Variants in CACNA1E observed in about 807,000 individuals in gnomAD.
CACNA1E encodes calcium voltage-gated channel subunit alpha1 E.
Under a neutral mutation model 259.2 loss-of-function variants are expected in CACNA1E, and 40 were observed. The observed-to-expected ratio is 0.15, with a 90% CI of 0.12 to 0.20. The LOEUF is 0.20. Among genes scored for constraint, CACNA1E ranks in the 10% least tolerant of loss-of-function variants. The pLI is 1.00. For synonymous variants in CACNA1E, 1,104 were observed against 1,138.5 expected (o/e 0.97, Z 0.61); for missense variants, 1,874 against 3,040.1 (o/e 0.62, Z 9.02).
At chr1:181,580,548 G>C in intron 5 of CACNA1E, 47 bp from the exon 6 acceptor site, 3 of 1,577,944 alleles carry the variant, frequency 1.9e-6, no homozygotes, top group African/African-American at 1.3e-5. Context: ...TCCAGCTCAT[G>C]CGAAACACCA....
At position 181,776,052 on chromosome 1, in the gene CACNA1E, G is replaced by C. The variant is rs751230518; in HGVS notation, c.5140-49G>C. 1.3e-6 allele frequency: 2 copies of C among 1,566,838 alleles called. No individual in the cohort carries two copies. Among genetic ancestry groups the C allele is most frequent in the Non-Finnish European group, 1.7e-6 (2 of 1,151,346 alleles). On this transcript the variant is annotated intron_variant, in intron 37 of 47. Coordinates refer to ENST00000367573, the MANE Select transcript of CACNA1E (RefSeq NM_001205293.3). The surrounding 1 kb of genome is among the most constrained non-coding windows in gnomAD (Gnocchi z 4.4). ...TGAAGCCTGTTCTTCTGCTTCCTGA[G>C]CTCTGCTTTAGGTTTCCCCTAACCC...
chr1:181,757,807 T>G, intron 30 of CACNA1E, 140 bp from the exon 31 acceptor site: 1 of 823,716 alleles, frequency 1.2e-6, no homozygotes, highest in Non-Finnish European at 1.9e-6. Context: ...TTTGTCCAAG[T>G]GACCCCAGTT....
At chr1:181,370,007 A>G (rs751631843) in intron 1 of CACNA1E, among the ~76,000 whole-genome samples, 11 of 150,746 alleles carry the variant, frequency 7.3e-5, no homozygotes, top group East Asian at 2.0e-4. Context: ...CTTTGTGTCC[A>G]TGTGTACTCA....
intron 6 of CACNA1E, among the ~76,000 whole-genome samples, chr1:181,642,580 G>T (rs1657893638): frequency 6.6e-6 from 1 of 152,170 alleles, no homozygotes; most frequent in South Asian, 2.1e-4. Context: ...AGCCCTTTCT[G>T]GTGCTTGCCA....
chr1:181,629,933 G>A (rs1419824824), intron 6 of CACNA1E, among the ~76,000 whole-genome samples: 2 of 152,148 alleles, frequency 1.3e-5, no homozygotes, highest in Non-Finnish European at 2.9e-5. Flanking sequence ...TTAGATCTAG[G>A]TGCTTGTCCT....
At chr1:181,728,060 A>G (rs1292096341) in intron 18 of CACNA1E, among the ~76,000 whole-genome samples, 1 of 152,134 alleles carries the variant, frequency 6.6e-6, no homozygotes, top group East Asian at 1.9e-4. Flanking sequence ...GGAAATGCCA[A>G]AGATTGATAG....
chr1:181,770,225 G>C (rs557429080), intron 35 of CACNA1E, among the ~76,000 whole-genome samples: 21 of 152,320 alleles, frequency 1.4e-4, no homozygotes, highest in Admixed American at 3.3e-4. Context: ...TGTCTCAAAT[G>C]ACTGGAAAAG....
intron 25 of CACNA1E, among the ~76,000 whole-genome samples, chr1:181,748,033 G>A (rs1432754851): frequency 6.6e-6 from 1 of 152,214 alleles, no homozygotes; most frequent in South Asian, 2.1e-4. Flanking sequence ...GAGGATGAAA[G>A]CATATTTTTC....
In CACNA1E at chr1:181,472,466, C is replaced by T. The variant is rs181972721; in HGVS notation, c.435-11278C>T. The stretch of plus-strand genomic sequence containing the variant: ...AACCATCTTACTATCTATATGTATC[C>T]GATAACATCCTGTTGTAAATCTCAA... On this transcript the variant is annotated intron_variant, in intron 2 of 11. Transcript: ENST00000524607. Among the ~76,000 whole-genome samples the T allele has an allele frequency of 2.6e-3, 403 of 152,180 alleles. 4 individuals carry two copies. The highest frequency in any genetic ancestry group is 8.8e-3 in the African/African-American group (366 of 41,518).
At chr1:181,786,338 A>G (rs1345591415) in intron 43 of CACNA1E, among the ~76,000 whole-genome samples, 1 of 151,974 alleles carries the variant, frequency 6.6e-6, no homozygotes, top group African/African-American at 2.4e-5. Context: ...GGTATATATT[A>G]ATATCACCAC....
rs149164776 is a variant in CACNA1E, at chr1:181,332,140, C to T, written c.-15+14017C>T. 9.6e-3 allele frequency among the ~76,000 whole-genome samples: 1,456 copies of T among 152,286 alleles called. 26 individuals carry two copies. Among genetic ancestry groups the T allele is most frequent in the African/African-American group, 0.032 (1,349 of 41,550 alleles). On this transcript the variant is annotated intron_variant, in intron 1 of 11. Coordinates refer to the CACNA1E transcript ENST00000524607. ...CAGAAAATCAAATACTACGTGTTCT[C>T]ACTTATAAGTGGGAGCTGAACGATG...
At chr1:181,494,299 A>C (rs1204055674) in intron 1 of CACNA1E, among the ~76,000 whole-genome samples, 3 of 151,940 alleles carry the variant, frequency 2.0e-5, no homozygotes, top group Non-Finnish European at 4.4e-5. Flanking sequence ...TTGAATTAAA[A>C]TACTTTTTAA....
chr1:181,629,073 G>T (rs150645827), intron 6 of CACNA1E, among the ~76,000 whole-genome samples: 1 of 152,316 alleles, frequency 6.6e-6, no homozygotes, highest in Non-Finnish European at 1.5e-5. Context: ...TGGTAGCACG[G>T]AGTCCCTCTG....
rs1420889064 is a variant in CACNA1E at position 181,384,904 on chromosome 1, T to TAAAAG, written c.-14-28225_-14-28221dup. On this transcript the variant is annotated intron_variant, in intron 1 of 11. Coordinates refer to the CACNA1E transcript ENST00000524607. ...TAAAGTATATAATAATAAAATAAAA[T>TAAAAG]AAAAGAAATCTTTCCTGCTTTCCTG... Among the ~76,000 whole-genome samples, 3 of 149,904 alleles carry TAAAAG rather than the reference T, an allele frequency of 2.0e-5. No homozygotes were observed. The South Asian group carries it at 6.2e-4, about 31-fold the overall frequency.
intron 1 of CACNA1E, among the ~76,000 whole-genome samples, chr1:181,504,659 G>C (rs1316539831): frequency 6.6e-6 from 1 of 152,232 alleles, no homozygotes; most frequent in East Asian, 1.9e-4. Context: ...GGTGACAGCA[G>C]AACCAGCATC....
At chr1:181,564,543 T>C (rs762239129) in intron 3 of CACNA1E, among the ~76,000 whole-genome samples, 1 of 152,222 alleles carries the variant, frequency 6.6e-6, no homozygotes, top group Non-Finnish European at 1.5e-5. Flanking sequence ...CTCAAAGTCA[T>C]ACATAAGAGT....
intron 2 of CACNA1E, among the ~76,000 whole-genome samples, chr1:181,469,461 T>C (rs1558028081): frequency 6.6e-6 from 1 of 152,104 alleles, no homozygotes; most frequent in Non-Finnish European, 1.5e-5. Context: ...AGTTTGCTTT[T>C]AAACAAACTG....
intron 3 of CACNA1E, among the ~76,000 whole-genome samples, chr1:181,530,256 G>A (rs1667681663): frequency 1.3e-5 from 2 of 152,102 alleles, no homozygotes; most frequent in Non-Finnish European, 2.9e-5. Context: ...TGATTCTGAG[G>A]CCTCCCCAGC....
At chr1:181,549,660 C>T (rs1271678978) in intron 3 of CACNA1E, among the ~76,000 whole-genome samples, 1 of 152,288 alleles carries the variant, frequency 6.6e-6, no homozygotes, top group Middle Eastern at 3.4e-3. Context: ...GGGTTCCCAT[C>T]GTGCTTGCTG....
Sources: allele counts gnomAD v4.1 joint callset (sites outside exome capture counted in the v4.1 genomes callset), GRCh38; gene constraint gnomAD v4.1.1; non-coding constraint Gnocchi (gnomAD v3.1); transcripts MANE v1.5; gene names NCBI Gene and HGNC (gene_info 2026-07-23, HGNC 2026-07-21).